FAH: variants seen among roughly 807,000 people sequenced by gnomAD.
FAH encodes the protein fumarylacetoacetase.
FAH carries 47 observed loss-of-function variants against 55.8 expected under a neutral mutation model. The ratio of observed to expected loss-of-function variants is 0.84; its 90% CI spans 0.67 to 1.07. FAH has a LOEUF of 1.07. FAH is among the 50% of genes least tolerant of loss of function. The probability of loss-of-function intolerance (pLI) is 0.00; values close to 1 mark genes in which losing one functional copy is unlikely to be tolerated. For missense variants in FAH, 495 were observed against 545.9 expected (o/e 0.91, Z 0.93); for synonymous variants, 199 against 207.7 (o/e 0.96, Z 0.36).
upstream of FAH, chr15:80,152,834 G>A: frequency 1.9e-6 from 1 of 533,726 alleles, no homozygotes; most frequent in East Asian, 3.3e-5. Flanking sequence ...GAGCTGGCGG[G>A]GGTCAGGGTA....
At position 80,168,307 on chromosome 15, in the gene FAH, G is replaced by A. The variant is rs2142098244; in HGVS notation, c.597G>A (p.Glu199=). ...GTGCCTGCAAGCTCTTGGACATGGAGCTGGAAATGGTAAGTGAGCTTGATG... is the reference window on the plus strand; with the variant it reads ...GTGCCTGCAAGCTCTTGGACATGGAACTGGAAATGGTAAGTGAGCTTGATG... ...VYGACKLLDM[E]LEMAFFVGPG... Residue 199 remains glutamate, a synonymous_variant, in exon 7 of 14, where the codon GAG becomes GAA. Transcript: ENST00000561421. 6.2e-7 allele frequency: 1 copy of A among 1,612,072 alleles called. No individual in the cohort carries two copies. The highest frequency in any genetic ancestry group is 1.3e-5 in the African/African-American group (1 of 74,854).
At chr15:80,159,015 A>G (rs984705011) in intron 2 of FAH, among the ~76,000 whole-genome samples, 5 of 152,040 alleles carry the variant, frequency 3.3e-5, no homozygotes, top group African/African-American at 4.8e-5. Flanking sequence ...ATGTGGGCAG[A>G]TCACTTGAGG....
chr15:80,175,105 G>A lies in FAH; in HGVS notation c.913+14G>A, dbSNP rs200776964. ...TTAACCTGAAAGGTATGTTGTAGGG[G>A]GACTGACATGGCCAGGAGCTCTGAG... On this transcript the variant is annotated intron_variant, in intron 10 of 13. Coordinates refer to ENST00000561421, the MANE Select transcript of FAH (RefSeq NM_000137.4). The A allele has an allele frequency of 6.0e-5, 96 of 1,610,386 alleles. No homozygotes were observed. The East Asian group carries it at 2.1e-3, about 35-fold the overall frequency.
intron 9 of FAH, among the ~76,000 whole-genome samples, 198 bp from the exon 10 acceptor site, chr15:80,174,818 C>A (rs1435071636): frequency 7.2e-6 from 1 of 138,252 alleles, no homozygotes; most frequent in Admixed American, 7.3e-5. Context: ...GCTGCATTTC[C>A]TAGAGACCCA....
chr15:80,182,508 C>T (rs2041339741), intron 13 of FAH, among the ~76,000 whole-genome samples: 1 of 152,182 alleles, frequency 6.6e-6, no homozygotes, highest in Admixed American at 6.5e-5. Flanking sequence ...TCAATAAATA[C>T]CCATTTTGCT....
intron 8 of FAH, among the ~76,000 whole-genome samples, chr15:80,172,786 G>A (rs1479519808): frequency 1.3e-5 from 2 of 152,190 alleles, no homozygotes; most frequent in Non-Finnish European, 2.9e-5. Flanking sequence ...CCTGACCACC[G>A]TTTGGTCATC....
intron 11 of FAH, among the ~76,000 whole-genome samples, chr15:80,178,831 G>A (rs529647450): frequency 1.8e-3 from 267 of 151,656 alleles, no homozygotes; most frequent in Non-Finnish European, 2.8e-3. Flanking sequence ...CTTGTGATCC[G>A]CCCGCCTCAG....
At chr15:80,162,115 C>T in intron 4 of FAH, 131 bp from the exon 5 acceptor site, 1 of 771,338 alleles carries the variant, frequency 1.3e-6, no homozygotes. Context: ...GCTGCCATTG[C>T]TGGCTGCAGG....
intron 1 of FAH, chr15:80,157,750 G>A (rs2142090436): frequency 4.6e-6 from 2 of 432,406 alleles, no homozygotes; most frequent in South Asian, 4.3e-5. Context: ...AATGCCTAGG[G>A]AACTTTGCAG....
At chr15:80,161,751 GC>G (rs1311676683) in intron 4 of FAH, among the ~76,000 whole-genome samples, 4 of 152,220 alleles carry the variant, frequency 2.6e-5, no homozygotes, top group Non-Finnish European at 2.9e-5. Flanking sequence ...GGGAAGCGAA[GC>G]CTGCCCCAGA....
intron 8 of FAH, among the ~76,000 whole-genome samples, chr15:80,172,502 T>C (rs2041249818): frequency 6.6e-6 from 1 of 152,214 alleles, no homozygotes; most frequent in Admixed American, 6.5e-5. Context: ...TGAGCACTTA[T>C]GTGTCAGGCC....
chr15:80,170,988 G>A (rs73482885), intron 7 of FAH, among the ~76,000 whole-genome samples: 230 of 152,238 alleles, frequency 1.5e-3, no homozygotes, highest in African/African-American at 4.4e-3. Context: ...GTTAGAGGCC[G>A]TGGGGTGTGC....
At chr15:80,161,748 G>A (rs762971249) in intron 4 of FAH, among the ~76,000 whole-genome samples, 9 of 152,214 alleles carry the variant, frequency 5.9e-5, no homozygotes, top group Non-Finnish European at 8.8e-5. Context: ...AGTGGGAAGC[G>A]AAGCCTGCCC....
intron 12 of FAH, 65 bp from the exon 13 acceptor site, chr15:80,180,977 C>T: frequency 7.5e-7 from 1 of 1,342,194 alleles, no homozygotes; most frequent in South Asian, 1.2e-5. Flanking sequence ...TCTTGCTGAG[C>T]ATGGTCCATG....
intron 3 of FAH, 126 bp downstream of exon 3, chr15:80,160,003 C>T: frequency 7.9e-7 from 1 of 1,259,834 alleles, no homozygotes; most frequent in Non-Finnish European, 1.1e-6. Context: ...GACCTGCCCT[C>T]ATCCAGCCCC....
Position 80,181,077 on chromosome 15 carries a change from G to A in FAH, c.1098G>A (p.Ser366=), listed in dbSNP as rs35033541. The A allele has an allele frequency of 2.8e-4, 456 of 1,613,898 alleles. 1 individual carries two copies. The African/African-American group carries it at 5.0e-3, about 18-fold the overall frequency. Residue 366 remains serine, a synonymous_variant, in exon 13 of 14, where the codon TCG becomes TCA. Transcript: ENST00000561421. ...PENFGSMLEL[S]WKGTKPIDLG... Reference sequence around the variant, plus strand: ...ACTTCGGCTCCATGTTGGAACTGTCGTGGAAGGGAACGAAGCCCATAGACC... The same window carrying A: ...ACTTCGGCTCCATGTTGGAACTGTCATGGAAGGGAACGAAGCCCATAGACC...
At position 80,159,806 on chromosome 15, in the gene FAH, G is replaced by A. The variant is rs36122289; in HGVS notation, c.243G>A (p.Ala81=). 1,364 of 1,614,214 alleles carry A rather than the reference G, an allele frequency of 8.4e-4. 1 individual carries two copies. Among genetic ancestry groups the A allele is most frequent in the Non-Finnish European group, 1.1e-3 (1,264 of 1,180,030 alleles). ...MGLGQAAWKE[A]RVFLQNLLSV... is the part of the protein sequence containing the mutation. ...TGGGTCAGGCTGCCTGGAAGGAGGCGAGAGTGTTCTTGCAGAACTTGCTGT... is the reference window on the plus strand; with the variant it reads ...TGGGTCAGGCTGCCTGGAAGGAGGCAAGAGTGTTCTTGCAGAACTTGCTGT... Residue 81 remains alanine, a synonymous_variant, in exon 3 of 14, where the codon GCG becomes GCA. Transcript: ENST00000561421.
intron 1 of FAH, 138 bp from the exon 2 acceptor site, chr15:80,157,922 T>C: frequency 1.4e-6 from 1 of 719,052 alleles, no homozygotes; most frequent in Non-Finnish European, 2.6e-6. Context: ...GCTGAGAACA[T>C]GGTTCTTCAG....
chr15:80,157,065 C>G (rs1304152323), intron 1 of FAH: 5 of 152,360 alleles, frequency 3.3e-5, no homozygotes, highest in Non-Finnish European at 5.9e-5. Flanking sequence ...TTGCCATTTT[C>G]AGGAGGGGAA....
Sources: allele counts gnomAD v4.1 joint callset (sites outside exome capture counted in the v4.1 genomes callset), GRCh38; gene constraint gnomAD v4.1.1; transcripts MANE v1.5; gene names NCBI Gene and HGNC (gene_info 2026-07-23, HGNC 2026-07-21).